Variants in FSTL4 observed in about 807,000 individuals in gnomAD.
The protein encoded by FSTL4 is follistatin like 4.
FSTL4 carries 28 observed loss-of-function variants against 78.2 expected under a neutral mutation model. The ratio of observed to expected loss-of-function variants is 0.36; its 90% CI spans 0.27 to 0.49. The LOEUF (loss-of-function observed/expected upper bound fraction) is 0.49, where lower values mean the gene tolerates loss of function less well. Ranked by LOEUF, FSTL4 falls within the 20% of genes least tolerant of loss-of-function variation. The pLI is 0.98. For synonymous variants in FSTL4, 422 were observed against 440.5 expected (o/e 0.96, Z 0.53); for missense variants, 922 against 1,084.9 (o/e 0.85, Z 2.11).
chr5:133,311,613 A>G (rs1043261795), intron 6 of FSTL4, among the ~76,000 whole-genome samples: 2 of 152,190 alleles, frequency 1.3e-5, no homozygotes, highest in Admixed American at 1.3e-4. Flanking sequence ...CAACAGCCCA[A>G]AGAGATGTCA....
chr5:133,390,711 A>G (rs1755827063), intron 4 of FSTL4, among the ~76,000 whole-genome samples: 1 of 151,982 alleles, frequency 6.6e-6, no homozygotes, highest in Admixed American at 6.5e-5. Context: ...TCCTGAAGAC[A>G]CTCTCTGCTG....
At chr5:133,388,270 C>T (rs1017975260) in intron 4 of FSTL4, among the ~76,000 whole-genome samples, 7 of 152,160 alleles carry the variant, frequency 4.6e-5, no homozygotes, top group Admixed American at 2.6e-4. Flanking sequence ...GCCAAGAGTA[C>T]ACGGATGGTG....
the FSTL4 span, among the ~76,000 whole-genome samples, chr5:133,804,805 A>G: frequency 1.3e-5 from 2 of 151,872 alleles, no homozygotes; most frequent in Non-Finnish European, 2.9e-5. Flanking sequence ...TTAGCCGGGC[A>G]TTGTGGCGGG....
At chr5:133,348,930 C>T (rs933206422) in intron 4 of FSTL4, among the ~76,000 whole-genome samples, 1 of 152,168 alleles carries the variant, frequency 6.6e-6, no homozygotes, top group Non-Finnish European at 1.5e-5. Context: ...CCTGAACCAG[C>T]AGAACTAGGG....
At chr5:133,510,904 G>A (rs369019115) in intron 3 of FSTL4, among the ~76,000 whole-genome samples, 9 of 152,236 alleles carry the variant, frequency 5.9e-5, no homozygotes, top group Middle Eastern at 3.4e-3. Flanking sequence ...ATGGGGACAT[G>A]AAAGCCAGCT....
chr5:133,432,550 T>A (rs1160027415), intron 3 of FSTL4, among the ~76,000 whole-genome samples: 1 of 152,226 alleles, frequency 6.6e-6, no homozygotes, highest in Admixed American at 6.5e-5. Flanking sequence ...AGGCACACAG[T>A]GAGTGCTCAG....
chr5:133,564,677 G>A (rs773349165), intron 3 of FSTL4, among the ~76,000 whole-genome samples: 11 of 151,884 alleles, frequency 7.2e-5, no homozygotes, highest in Non-Finnish European at 1.3e-4. Flanking sequence ...GGATGAAGGG[G>A]AGGTGGATTT....
intron 7 of FSTL4, among the ~76,000 whole-genome samples, chr5:133,234,426 A>C (rs1308026332): frequency 6.6e-6 from 1 of 152,160 alleles, no homozygotes; most frequent in Non-Finnish European, 1.5e-5. Flanking sequence ...TGGCTGCATC[A>C]GAGTCCCCTG....
intron 6 of FSTL4, among the ~76,000 whole-genome samples, chr5:133,279,173 C>T (rs996426580): frequency 4.6e-5 from 7 of 152,192 alleles, no homozygotes; most frequent in East Asian, 1.9e-4. Flanking sequence ...ATCTCTAGGC[C>T]GTGGATGGTC....
the FSTL4 span, among the ~76,000 whole-genome samples, chr5:133,834,760 T>C: frequency 6.6e-6 from 1 of 152,122 alleles, no homozygotes; most frequent in Non-Finnish European, 1.5e-5. Flanking sequence ...AAAGGTGTTC[T>C]TGACACAATT....
intron 3 of FSTL4, among the ~76,000 whole-genome samples, chr5:133,531,653 C>T (rs1477049285): frequency 6.6e-6 from 1 of 152,168 alleles, no homozygotes; most frequent in Admixed American, 6.5e-5. Context: ...TGCAATAAAT[C>T]AGTGTGAAAT....
chr5:133,262,330 T>C (rs1347596164), intron 6 of FSTL4, among the ~76,000 whole-genome samples: 1 of 152,248 alleles, frequency 6.6e-6, no homozygotes, highest in Non-Finnish European at 1.5e-5. Flanking sequence ...GGACTGATTC[T>C]GTCTGCTTTA....
At chr5:133,660,704 A>T in the FSTL4 span, among the ~76,000 whole-genome samples, 1 of 152,144 alleles carries the variant, frequency 6.6e-6, no homozygotes, top group Non-Finnish European at 1.5e-5. Flanking sequence ...GAGGCCTACT[A>T]CTTTTCTACA....
intron 3 of FSTL4, among the ~76,000 whole-genome samples, chr5:133,527,803 A>G (rs1759167660): frequency 6.6e-6 from 1 of 152,192 alleles, no homozygotes; most frequent in Non-Finnish European, 1.5e-5. Context: ...CCAGACAGCT[A>G]TGTCAATTCT....
At chr5:133,306,328 G>C (rs1456903352) in intron 6 of FSTL4, among the ~76,000 whole-genome samples, 2 of 152,212 alleles carry the variant, frequency 1.3e-5, no homozygotes, top group East Asian at 3.9e-4. Flanking sequence ...CTCTGCATAC[G>C]TGGCTGCCGG....
chr5:133,298,872 CT>C (rs966452021), intron 6 of FSTL4, among the ~76,000 whole-genome samples: 1 of 152,230 alleles, frequency 6.6e-6, no homozygotes, highest in African/African-American at 2.4e-5. Flanking sequence ...AGGCCAGTCC[CT>C]TTGGTGAGAC....
At chr5:133,494,506 C>T (rs962635920) in intron 3 of FSTL4, among the ~76,000 whole-genome samples, 5 of 152,192 alleles carry the variant, frequency 3.3e-5, no homozygotes, top group Non-Finnish European at 5.9e-5. Context: ...CGGAGTCCTG[C>T]GCTGAAAGCA....
intron 3 of FSTL4, among the ~76,000 whole-genome samples, chr5:133,566,039 C>T (rs1420002777): frequency 2.0e-5 from 3 of 152,138 alleles, no homozygotes; most frequent in Non-Finnish European, 4.4e-5. Flanking sequence ...TCAAACAATG[C>T]AGTTTGCTTT....
the FSTL4 span, among the ~76,000 whole-genome samples, chr5:133,742,048 C>T: frequency 2.0e-5 from 3 of 152,238 alleles, no homozygotes; most frequent in Non-Finnish European, 4.4e-5. Flanking sequence ...GAAATGCAAA[C>T]GTGGCATTTA....
Sources: gnomAD v4.1 joint callset for allele counts (sites outside exome capture counted in the v4.1 genomes callset) on GRCh38, gnomAD v4.1.1 for gene constraint, MANE v1.5 for transcripts, NCBI Gene and HGNC (gene_info 2026-07-23, HGNC 2026-07-21) for gene names.